OLA1: variants seen among roughly 807,000 people sequenced by gnomAD.
OLA1 encodes Obg like ATPase 1, also known as obg-like ATPase 1.
Under a neutral mutation model 48.4 loss-of-function variants are expected in OLA1, and 14 were observed. The ratio of observed to expected loss-of-function variants is 0.29; its 90% CI spans 0.19 to 0.45. The LOEUF (loss-of-function observed/expected upper bound fraction) is 0.45. OLA1 is among the 20% of genes least tolerant of loss of function. The pLI is 1.00. For missense variants in OLA1, 325 were observed against 467.1 expected (o/e 0.70, Z 2.80); for synonymous variants, 127 against 150.4 (o/e 0.84, Z 1.14).
chr2:174,217,674 C>A (rs1222416945), intron 4 of OLA1, among the ~76,000 whole-genome samples: 1 of 152,096 alleles, frequency 6.6e-6, no homozygotes, highest in Non-Finnish European at 1.5e-5. Context: ...TTCCTCACAG[C>A]CCTTTATAAT....
chr2:174,110,564 C>T (rs562608191), intron 7 of OLA1, among the ~76,000 whole-genome samples: 1 of 152,004 alleles, frequency 6.6e-6, no homozygotes, highest in Non-Finnish European at 1.5e-5. Flanking sequence ...TCCACCTCAG[C>T]CTCCCACATA....
intron 5 of OLA1, among the ~76,000 whole-genome samples, chr2:174,132,970 CT>C (rs1276642374): frequency 6.6e-6 from 1 of 152,062 alleles, no homozygotes; most frequent in Non-Finnish European, 1.5e-5. Flanking sequence ...TTTGTTTTGT[CT>C]TTCAATCCTG....
At chr2:174,178,308 A>T (rs926088540) in intron 4 of OLA1, among the ~76,000 whole-genome samples, 2 of 151,984 alleles carry the variant, frequency 1.3e-5, no homozygotes, top group Non-Finnish European at 2.9e-5. Flanking sequence ...TCTATTTATT[A>T]ATTAAATCAA....
intron 5 of OLA1, among the ~76,000 whole-genome samples, chr2:174,133,116 CG>C (rs1476543172): frequency 6.6e-6 from 1 of 152,104 alleles, no homozygotes; most frequent in Admixed American, 6.6e-5. Context: ...ACTTTGATAT[CG>C]TATACTACAC....
chr2:174,229,941 C>T (rs1013090169), intron 2 of OLA1, among the ~76,000 whole-genome samples: 1 of 152,012 alleles, frequency 6.6e-6, no homozygotes, highest in Admixed American at 6.5e-5. Context: ...CTCAGAACTG[C>T]CTTCTAATCA....
At chr2:174,173,810 A>G (rs1687360906) in intron 4 of OLA1, among the ~76,000 whole-genome samples, 1 of 152,004 alleles carries the variant, frequency 6.6e-6, no homozygotes. Context: ...ATCACAAAGG[A>G]AAGAGGAGAC....
intron 7 of OLA1, among the ~76,000 whole-genome samples, chr2:174,108,074 C>T (rs901769685): frequency 6.6e-6 from 1 of 151,838 alleles, no homozygotes; most frequent in African/African-American, 2.4e-5. Flanking sequence ...ATAGTGACTG[C>T]AACAAATAAA....
At chr2:174,185,025 C>G (rs770794297) in intron 4 of OLA1, among the ~76,000 whole-genome samples, 2 of 152,162 alleles carry the variant, frequency 1.3e-5, no homozygotes, top group African/African-American at 2.4e-5. Context: ...GTTTATTTCT[C>G]TTTAATTTCA....
chr2:174,201,910 T>G (rs1391215176), intron 4 of OLA1, among the ~76,000 whole-genome samples: 1 of 152,154 alleles, frequency 6.6e-6, no homozygotes, highest in African/African-American at 2.4e-5. Context: ...TTAGCCAGTA[T>G]GGGTAGTTAT....
At chr2:174,142,352 G>GT (rs1427264869) in intron 4 of OLA1, among the ~76,000 whole-genome samples, 1 of 152,078 alleles carries the variant, frequency 6.6e-6, no homozygotes, top group Non-Finnish European at 1.5e-5. Context: ...CACTATTAGG[G>GT]TTTCCAAGGG....
chr2:174,225,066 C>T (rs954471702), intron 3 of OLA1, among the ~76,000 whole-genome samples: 1 of 152,078 alleles, frequency 6.6e-6, no homozygotes, highest in African/African-American at 2.4e-5. Flanking sequence ...TGGTGGGAGG[C>T]GTTTGGGTCA....
chr2:174,207,750 T>C (rs925159026), intron 4 of OLA1, among the ~76,000 whole-genome samples: 1 of 146,510 alleles, frequency 6.8e-6, no homozygotes, highest in Non-Finnish European at 1.5e-5. Flanking sequence ...TTAAGGAAAA[T>C]ACAGATTGAA....
intron 7 of OLA1, among the ~76,000 whole-genome samples, chr2:174,122,645 A>G (rs545640423): frequency 1.3e-5 from 2 of 152,282 alleles, no homozygotes; most frequent in Non-Finnish European, 2.9e-5. Flanking sequence ...GTTACATGCC[A>G]AAAATGACAA....
At chr2:174,114,469 A>G (rs984042050) in intron 7 of OLA1, among the ~76,000 whole-genome samples, 4 of 152,004 alleles carry the variant, frequency 2.6e-5, no homozygotes, top group African/African-American at 9.6e-5. Flanking sequence ...ACTGCTAGTG[A>G]CCTTCATGTT....
At chr2:174,112,522 G>A (rs896335490) in intron 7 of OLA1, among the ~76,000 whole-genome samples, 1 of 152,170 alleles carries the variant, frequency 6.6e-6, no homozygotes, top group Non-Finnish European at 1.5e-5. Context: ...CCCAAGGTTC[G>A]TGTGTTAGGA....
chr2:174,232,308 T>C (rs1221050664), intron 2 of OLA1, among the ~76,000 whole-genome samples: 1 of 152,180 alleles, frequency 6.6e-6, no homozygotes, highest in Non-Finnish European at 1.5e-5. Context: ...ATTAACTATT[T>C]ATATATAATA....
chr2:174,165,228 T>C (rs1008866200), intron 4 of OLA1, among the ~76,000 whole-genome samples: 1 of 152,170 alleles, frequency 6.6e-6, no homozygotes, highest in African/African-American at 2.4e-5. Context: ...TAAAACATTG[T>C]AATAATGAGT....
At chr2:174,131,344 T>G (rs1371462737) in intron 5 of OLA1, among the ~76,000 whole-genome samples, 1 of 152,178 alleles carries the variant, frequency 6.6e-6, no homozygotes, top group East Asian at 1.9e-4. Context: ...TAGTGCACAA[T>G]TTATACATTC....
chr2:174,229,239 C>T, intron 3 of OLA1, 69 bp downstream of exon 3: 1 of 1,445,292 alleles, frequency 6.9e-7, no homozygotes, highest in Non-Finnish European at 9.6e-7. Flanking sequence ...AAAAACTCTT[C>T]TATATGACTT....
Sources: allele counts gnomAD v4.1 joint callset (sites outside exome capture counted in the v4.1 genomes callset), GRCh38; gene constraint gnomAD v4.1.1; transcripts MANE v1.5; gene names NCBI Gene and HGNC (gene_info 2026-07-23, HGNC 2026-07-21).